The following ADGRD1 variants were observed in gnomAD, a reference collection of about 807,000 sequenced individuals.
ADGRD1 encodes the protein G-protein coupled receptor 133.
ADGRD1 carries 77 observed loss-of-function variants against 113.4 expected under a neutral mutation model. The ratio of observed to expected loss-of-function variants is 0.68; its 90% CI spans 0.57 to 0.82. The LOEUF (loss-of-function observed/expected upper bound fraction) is 0.82, where lower values mean the gene tolerates loss of function less well. Among genes scored for constraint, ADGRD1 ranks in the 40% least tolerant of loss-of-function variants. The probability of loss-of-function intolerance (pLI) is 0.00; values close to 1 mark genes in which losing one functional copy is unlikely to be tolerated. For missense variants in ADGRD1, 1,036 were observed against 1,139.1 expected, an observed-to-expected ratio of 0.91 and a Z score of 1.30; for synonymous variants, 474 against 475.0, an observed-to-expected ratio of 1.00 and a Z score of 0.03.
chr12:131,136,237 G>C (rs1484225466), intron 22 of ADGRD1, 74 bp downstream of exon 22: 1 of 1,569,782 alleles, frequency 6.4e-7, no homozygotes, highest in Non-Finnish European at 8.7e-7. Context: ...AGCTAGGGCT[G>C]CAGGGGCAGG....
chr12:131,134,280 G>A (rs1187654500), intron 21 of ADGRD1, among the ~76,000 whole-genome samples: 2 of 152,144 alleles, frequency 1.3e-5, no homozygotes, highest in Non-Finnish European at 2.9e-5. Flanking sequence ...AGAGAGGAAA[G>A]CACACCCCCT....
intron 23 of ADGRD1, 96 bp from the exon 24 acceptor site, chr12:131,138,041 C>A: frequency 1.1e-6 from 1 of 950,724 alleles, no homozygotes; most frequent in Non-Finnish European, 1.7e-6. Flanking sequence ...ACCTCCCTCG[C>A]ACATCTGGTT....
At chr12:130,963,842 A>G (rs73164863) in intron 2 of ADGRD1, among the ~76,000 whole-genome samples, 5,480 of 152,314 alleles carry the variant, frequency 0.036, 123 homozygotes, top group Middle Eastern at 0.071. Context: ...GGGAATGTAC[A>G]CTTAAAATTG....
At chr12:131,102,046 G>A (rs964776331) in intron 15 of ADGRD1, among the ~76,000 whole-genome samples, 2 of 152,190 alleles carry the variant, frequency 1.3e-5, no homozygotes, top group African/African-American at 4.8e-5. Context: ...TATTTTACCT[G>A]CAGAATCCTC....
At chr12:131,049,329 G>A (rs1440455256) in intron 13 of ADGRD1, among the ~76,000 whole-genome samples, 3 of 152,172 alleles carry the variant, frequency 2.0e-5, no homozygotes, top group African/African-American at 4.8e-5. Context: ...CCTGATACCC[G>A]TCCTCTGCTC....
intron 13 of ADGRD1, among the ~76,000 whole-genome samples, chr12:131,073,006 C>T (rs1885303193): frequency 6.6e-6 from 1 of 152,234 alleles, no homozygotes; most frequent in African/African-American, 2.4e-5. Flanking sequence ...CCACCATGTG[C>T]CCCTGCTCTA....
chr12:131,071,020 A>T (rs567857220), intron 13 of ADGRD1: 1 of 486,460 alleles, frequency 2.1e-6, no homozygotes, highest in East Asian at 5.6e-5. Context: ...GGGGCCATGT[A>T]CAAGGAGGTG....
intron 16 of ADGRD1, 152 bp downstream of exon 16, chr12:131,105,086 A>ACCC: frequency 1.6e-6 from 1 of 620,894 alleles, no homozygotes; most frequent in South Asian, 2.1e-5. Flanking sequence ...CAGCCCAGGC[A>ACCC]CAGGAATTCT....
At chr12:131,071,029 T>A (rs1885122258) in intron 13 of ADGRD1, 1 of 457,342 alleles carries the variant, frequency 2.2e-6, no homozygotes. Flanking sequence ...TACAAGGAGG[T>A]GGGGCTAAGT....
intron 17 of ADGRD1, 152 bp from the exon 18 acceptor site, chr12:131,108,572 T>A: frequency 9.3e-7 from 1 of 1,075,400 alleles, no homozygotes; most frequent in South Asian, 1.4e-5. Flanking sequence ...CCCAAATCCC[T>A]GGGCTTGAGC....
Position 131,014,595 on chromosome 12 carries a change from C to T in ADGRD1, c.1473+255C>T, listed in dbSNP as rs117329104. Among the ~76,000 whole-genome samples the T allele has an allele frequency of 8.9e-3, 1,350 of 152,286 alleles. 19 individuals are homozygous for T. The highest frequency in any genetic ancestry group is 0.027 in the Middle Eastern group (8 of 294). On this transcript the variant is annotated intron_variant, in intron 13 of 24. Transcript: ENST00000261654. ...GAGGCGTCGAGGTGGCTCTCCTAGA[C>T]GTGTGGAGCGATCACGGATCTTCCT...
intron 13 of ADGRD1, chr12:131,026,441 C>T (rs1879962998): frequency 6.6e-6 from 1 of 152,238 alleles, no homozygotes; most frequent in Admixed American, 6.5e-5. Context: ...GAGTGAGCTC[C>T]AGAGCACTTC....
chr12:131,041,998 C>T lies in ADGRD1; in HGVS notation c.1473+27658C>T, dbSNP rs1014506924. ...CAGTCGGGTTTGTTATCCGAGTCCC[C>T]GAGGAGAAGGCACCATGTGTCCTTG... On this transcript the variant is annotated intron_variant, in intron 13 of 24. Coordinates refer to ENST00000261654, the MANE Select transcript of ADGRD1 (RefSeq NM_198827.5). This position sits in a 1 kb window ranked among gnomAD's most constrained non-coding sequence, Gnocchi z 4.4. Among the ~76,000 whole-genome samples the T allele has an allele frequency of 6.6e-6, 1 of 152,188 alleles. No homozygotes were observed. Among genetic ancestry groups the T allele is most frequent in the African/African-American group, 2.4e-5 (1 of 41,444 alleles).
At chr12:131,126,063 A>G (rs1452035497) in intron 20 of ADGRD1, among the ~76,000 whole-genome samples, 2 of 152,228 alleles carry the variant, frequency 1.3e-5, no homozygotes, top group Non-Finnish European at 2.9e-5. Flanking sequence ...ACGGATACCT[A>G]AATACAGGCA....
chr12:131,116,839 G>A (rs1280624254), intron 18 of ADGRD1, among the ~76,000 whole-genome samples: 3 of 152,242 alleles, frequency 2.0e-5, no homozygotes, highest in Non-Finnish European at 4.4e-5. Context: ...TGCTCAGGGT[G>A]GCTGCACTAG....
chr12:131,024,584 T>C (rs927913118), intron 13 of ADGRD1: 2 of 152,226 alleles, frequency 1.3e-5, no homozygotes, highest in African/African-American at 4.8e-5. Context: ...TTACAGCCGC[T>C]GGCAGCATTC....
At chr12:131,136,693 G>A (rs954473587) in intron 22 of ADGRD1, among the ~76,000 whole-genome samples, 1 of 152,238 alleles carries the variant, frequency 6.6e-6, no homozygotes, top group Non-Finnish European at 1.5e-5. Context: ...GGAAGTGCCT[G>A]CCCTTGCCCA....
At chr12:131,025,983 C>A (rs1879888222) in intron 13 of ADGRD1, 1 of 152,262 alleles carries the variant, frequency 6.6e-6, no homozygotes. Context: ...CAGGGCTGCA[C>A]CACGGAAGCC....
chr12:130,964,843 C>T (rs1870829407), intron 2 of ADGRD1, among the ~76,000 whole-genome samples: 1 of 152,168 alleles, frequency 6.6e-6, no homozygotes, highest in Non-Finnish European at 1.5e-5. Flanking sequence ...TGTGCCTTAT[C>T]ATTGAGTGTG....
Sources: gnomAD v4.1 joint callset for allele counts (sites outside exome capture counted in the v4.1 genomes callset) on GRCh38, gnomAD v4.1.1 for gene constraint, Gnocchi (gnomAD v3.1) non-coding constraint, MANE v1.5 for transcripts, NCBI Gene and HGNC (gene_info 2026-07-23, HGNC 2026-07-21) for gene names.